The following PPP1R21 variants were observed in gnomAD, a reference collection of about 807,000 sequenced individuals.
The protein encoded by PPP1R21 is protein phosphatase 1 regulatory subunit 21, also known as KLRAQ motif containing 1.
PPP1R21 carries 85 observed loss-of-function variants against 112.8 expected under a neutral mutation model. The observed-to-expected ratio is 0.75, with a 90% confidence interval of 0.63 to 0.90. The LOEUF is 0.90. Ranked by LOEUF, PPP1R21 falls within the 40% of genes least tolerant of loss-of-function variation. PPP1R21 has a pLI of 0.00. For missense variants in PPP1R21, 1,199 were observed against 901.5 expected (o/e 1.33, Z -4.23); for synonymous variants, 381 against 322.3 (o/e 1.18, Z -1.95).
chr2:48,492,518 C>T (rs575778859), intron 15 of PPP1R21, among the ~76,000 whole-genome samples: 2 of 152,174 alleles, frequency 1.3e-5, no homozygotes, highest in South Asian at 2.1e-4. Context: ...TTTAGGTTTC[C>T]CTTAATTGGT....
chr2:48,489,551 G>C (rs1162673977), intron 14 of PPP1R21, among the ~76,000 whole-genome samples: 2 of 150,990 alleles, frequency 1.3e-5, no homozygotes, highest in Non-Finnish European at 2.9e-5. Context: ...ATATCGCCCA[G>C]GCTGGTCTTG....
chr2:48,505,874 G>T (rs1364407539), intron 18 of PPP1R21, among the ~76,000 whole-genome samples: 1 of 152,064 alleles, frequency 6.6e-6, no homozygotes, highest in Non-Finnish European at 1.5e-5. Context: ...CTCCTGCTTG[G>T]GCCTTCATTT....
chr2:48,480,770 A>C (rs1036706916), intron 13 of PPP1R21, among the ~76,000 whole-genome samples: 1 of 152,170 alleles, frequency 6.6e-6, no homozygotes, highest in Non-Finnish European at 1.5e-5. Context: ...TGGATGATTC[A>C]TTGTTTTTAG....
chr2:48,442,648 C>T (rs957260399), intron 1 of PPP1R21, among the ~76,000 whole-genome samples: 15 of 151,940 alleles, frequency 9.9e-5, no homozygotes, highest in African/African-American at 3.4e-4. Context: ...GTGGGACTAC[C>T]GAAGACATTG....
At chr2:48,514,306 T>G (rs1670773914) in intron 21 of PPP1R21, among the ~76,000 whole-genome samples, 1 of 152,066 alleles carries the variant, frequency 6.6e-6, no homozygotes, top group South Asian at 2.1e-4. Flanking sequence ...TGGGATGGTC[T>G]CGATCTCCTG....
At chr2:48,490,218 CAAAAAAAAAAAAA>C (rs70943343) in intron 14 of PPP1R21, among the ~76,000 whole-genome samples, 1 of 93,954 alleles carries the variant, frequency 1.1e-5, no homozygotes, top group Non-Finnish European at 2.1e-5. Flanking sequence ...GACGCCGACT[CAAAAAAAAAAAAA>C]AAAAAAAAGA....
At chr2:48,462,099 C>T (rs1214696153) in intron 7 of PPP1R21, among the ~76,000 whole-genome samples, 4 of 152,262 alleles carry the variant, frequency 2.6e-5, no homozygotes, top group African/African-American at 7.2e-5. Context: ...TTACATTTTC[C>T]CTTTAAGCCT....
At chr2:48,460,761 C>G (rs1667942354) in intron 6 of PPP1R21, among the ~76,000 whole-genome samples, 1 of 152,026 alleles carries the variant, frequency 6.6e-6, no homozygotes, top group African/African-American at 2.4e-5. Context: ...ACAGTATGTA[C>G]TTAAAAAAAG....
intron 3 of PPP1R21, 70 bp from the exon 4 acceptor site, chr2:48,458,056 A>G: frequency 1.0e-6 from 1 of 985,260 alleles, no homozygotes; most frequent in Non-Finnish European, 1.6e-6. Context: ...GATGATAGAG[A>G]ATCTGTGTAC....
intron 9 of PPP1R21, among the ~76,000 whole-genome samples, chr2:48,469,291 G>GTA (rs1668355250): frequency 1.5e-5 from 1 of 67,108 alleles, no homozygotes; most frequent in African/African-American, 5.6e-5. Flanking sequence ...GTGTGTGTGT[G>GTA]TGTGTATGTA....
intron 7 of PPP1R21, among the ~76,000 whole-genome samples, chr2:48,464,521 A>G (rs908845881): frequency 8.5e-5 from 13 of 152,342 alleles, no homozygotes; most frequent in African/African-American, 2.9e-4. Flanking sequence ...GCAGACAGTG[A>G]TAGATTTTTC....
intron 16 of PPP1R21, among the ~76,000 whole-genome samples, chr2:48,497,431 C>G (rs1669896392): frequency 6.6e-6 from 1 of 152,278 alleles, no homozygotes; most frequent in Non-Finnish European, 1.5e-5. Context: ...TCTCCTCTCC[C>G]CCAAAGGTAA....
rs537925698 is a variant in PPP1R21, at chr2:48,500,401, C to T, written c.1935+1666C>T. Among the ~76,000 whole-genome samples the T allele has an allele frequency of 6.2e-4, 93 of 151,212 alleles. 1 individual carries two copies. Among genetic ancestry groups the T allele is most frequent in the African/African-American group, 2.1e-3 (88 of 41,164 alleles). On this transcript the variant is annotated intron_variant, in intron 17 of 21. Coordinates refer to ENST00000294952, the MANE Select transcript of PPP1R21 (RefSeq NM_001135629.3). ...TACAGATGTTTACTATACTTTTTAC[C>T]GCTAACCTTTCTGCATGTTTGACAT...
chr2:48,499,512 C>T (rs550866718), intron 17 of PPP1R21, among the ~76,000 whole-genome samples: 1 of 152,250 alleles, frequency 6.6e-6, no homozygotes, highest in African/African-American at 2.4e-5. Flanking sequence ...CACTTGAACC[C>T]AGGACTTTGA....
At chr2:48,514,063 G>A (rs1285492059) in intron 21 of PPP1R21, among the ~76,000 whole-genome samples, 4 of 149,192 alleles carry the variant, frequency 2.7e-5, no homozygotes, top group African/African-American at 9.9e-5. Flanking sequence ...AAACAATGAC[G>A]AGACATGTTC....
At chr2:48,462,677 C>G (rs1217939464) in intron 7 of PPP1R21, among the ~76,000 whole-genome samples, 1 of 152,040 alleles carries the variant, frequency 6.6e-6, no homozygotes, top group Non-Finnish European at 1.5e-5. Context: ...GGGACTGGAC[C>G]CTAGTGTTCT....
chr2:48,488,221 C>G (rs1669397326), intron 14 of PPP1R21, among the ~76,000 whole-genome samples: 1 of 152,080 alleles, frequency 6.6e-6, no homozygotes, highest in South Asian at 2.1e-4. Context: ...GATTCCTGAG[C>G]CAGAGGACCA....
chr2:48,457,564 A>G (rs1342258356), intron 3 of PPP1R21, among the ~76,000 whole-genome samples: 1 of 152,198 alleles, frequency 6.6e-6, no homozygotes, highest in Non-Finnish European at 1.5e-5. Flanking sequence ...ATATTAGTAA[A>G]AATTTAAAGG....
At chr2:48,507,410 G>T (rs771795648) in intron 19 of PPP1R21, 25 bp downstream of exon 19, 1 of 1,587,906 alleles carries the variant, frequency 6.3e-7, no homozygotes, top group South Asian at 1.2e-5. Context: ...AATTAGATTG[G>T]TGGTTTTTTT....
Sources: allele counts gnomAD v4.1 joint callset (sites outside exome capture counted in the v4.1 genomes callset), GRCh38; gene constraint gnomAD v4.1.1; transcripts MANE v1.5; gene names NCBI Gene and HGNC (gene_info 2026-07-23, HGNC 2026-07-21).